BMAL1: variants seen among roughly 807,000 people sequenced by gnomAD.
BMAL1 encodes basic helix-loop-helix ARNT like 1, also known as basic helix-loop-helix ARNT-like protein 1.
chr11:13,348,106 T>G, the BMAL1 span, among the ~76,000 whole-genome samples: 3,046 of 152,228 alleles, frequency 0.02, 110 homozygotes, highest in African/African-American at 0.07. Flanking sequence ...GGAGAGAGGA[T>G]ACAGCTCTGA....
chr11:13,384,597 T>A, the BMAL1 span, among the ~76,000 whole-genome samples: 1 of 152,186 alleles, frequency 6.6e-6, no homozygotes, highest in South Asian at 2.1e-4. Flanking sequence ...TTCCAACTAC[T>A]TATCTGTGGG....
At chr11:13,370,385 C>G in the BMAL1 span, among the ~76,000 whole-genome samples, 40 of 152,290 alleles carry the variant, frequency 2.6e-4, no homozygotes, top group African/African-American at 9.6e-4. Context: ...ACTCCAGATT[C>G]ATAAATATAC....
chr11:13,298,668 C>T, the BMAL1 span, among the ~76,000 whole-genome samples: 1 of 152,144 alleles, frequency 6.6e-6, no homozygotes, highest in Non-Finnish European at 1.5e-5. Context: ...AGTTTGGATG[C>T]ACAAAGGTAA....
At chr11:13,311,295 T>C in the BMAL1 span, among the ~76,000 whole-genome samples, 7 of 152,088 alleles carry the variant, frequency 4.6e-5, no homozygotes, top group East Asian at 1.9e-4. Context: ...AGATGAGCAG[T>C]GGGCTGAGCT....
the BMAL1 span, among the ~76,000 whole-genome samples, chr11:13,360,775 C>T: frequency 6.6e-6 from 1 of 152,302 alleles, no homozygotes; most frequent in South Asian, 2.1e-4. Flanking sequence ...TTTCTCTTCA[C>T]CTGATTTAAC....
chr11:13,359,103 C>T, the BMAL1 span, among the ~76,000 whole-genome samples: 1 of 152,286 alleles, frequency 6.6e-6, no homozygotes, highest in East Asian at 1.9e-4. Flanking sequence ...GGAATTTTCC[C>T]GAACCAGATC....
chr11:13,384,309 T>A, the BMAL1 span, among the ~76,000 whole-genome samples: 10 of 152,232 alleles, frequency 6.6e-5, no homozygotes, highest in Non-Finnish European at 1.5e-4. Context: ...AATAGTGATA[T>A]TTTGATGCTC....
the BMAL1 span, among the ~76,000 whole-genome samples, chr11:13,287,687 G>A: frequency 3.9e-5 from 6 of 152,174 alleles, no homozygotes; most frequent in African/African-American, 1.4e-4. Context: ...TTATTCTTCA[G>A]GTTGGTCAGG....
At chr11:13,287,621 C>T in the BMAL1 span, among the ~76,000 whole-genome samples, 2 of 152,208 alleles carry the variant, frequency 1.3e-5, no homozygotes, top group Non-Finnish European at 2.9e-5. Flanking sequence ...TGAGGTTGGT[C>T]TTGCAAGGTA....
At chr11:13,304,272 C>T in the BMAL1 span, among the ~76,000 whole-genome samples, 2 of 151,962 alleles carry the variant, frequency 1.3e-5, no homozygotes, top group Non-Finnish European at 2.9e-5. Flanking sequence ...GGCCCTGAGC[C>T]GGGGTGGTAG....
At chr11:13,354,181 C>G in the BMAL1 span, 1 of 1,096,410 alleles carries the variant, frequency 9.1e-7, no homozygotes, top group Non-Finnish European at 1.3e-6. Context: ...TGTAAACCAG[C>G]CCCGGGTCTC....
chr11:13,291,819 A>ACAGAATACTCTGTATGATG, the BMAL1 span, among the ~76,000 whole-genome samples: 3 of 152,224 alleles, frequency 2.0e-5, no homozygotes, highest in East Asian at 5.8e-4. Context: ...TCTGTATGAT[A>ACAGAATACTCTGTATGATG]CAGAATACTC....
the BMAL1 span, among the ~76,000 whole-genome samples, chr11:13,292,844 A>G: frequency 6.6e-6 from 1 of 152,192 alleles, no homozygotes; most frequent in Non-Finnish European, 1.5e-5. Context: ...CCAAGGGGGC[A>G]CACATCCAGT....
chr11:13,282,973 G>C, the BMAL1 span, among the ~76,000 whole-genome samples: 104 of 152,306 alleles, frequency 6.8e-4, 1 homozygote, highest in African/African-American at 2.4e-3. Context: ...AGTGGACATG[G>C]CCGTAAGTAC....
At chr11:13,357,497 T>A in the BMAL1 span, among the ~76,000 whole-genome samples, 1 of 152,196 alleles carries the variant, frequency 6.6e-6, no homozygotes, top group Non-Finnish European at 1.5e-5. This position sits in a 1 kb window ranked among gnomAD's most constrained non-coding sequence, Gnocchi z 4.8. Flanking sequence ...TGCAACTGAA[T>A]GCACCACATG....
At chr11:13,356,724 CTT>C in the BMAL1 span, 10 of 1,614,048 alleles carry the variant, frequency 6.2e-6, no homozygotes, top group Non-Finnish European at 6.8e-6. Flanking sequence ...GTCACATTCT[CTT>C]TTGTTTTTTC....
the BMAL1 span, among the ~76,000 whole-genome samples, chr11:13,373,569 A>G: frequency 6.6e-6 from 1 of 152,160 alleles, no homozygotes; most frequent in Non-Finnish European, 1.5e-5. Flanking sequence ...TGCAGTGGCG[A>G]GATCTTGGCT....
chr11:13,304,926 C>T, the BMAL1 span, among the ~76,000 whole-genome samples: 1 of 152,188 alleles, frequency 6.6e-6, no homozygotes, highest in Non-Finnish European at 1.5e-5. Context: ...GACAGGCTGC[C>T]CTACCTGAGG....
At chr11:13,364,281 C>T in the BMAL1 span, among the ~76,000 whole-genome samples, 1 of 152,222 alleles carries the variant, frequency 6.6e-6, no homozygotes, top group Non-Finnish European at 1.5e-5. Context: ...GGATCCTCCC[C>T]AGCTTCCTTC....
Sources: gnomAD v4.1 joint callset for allele counts (sites outside exome capture counted in the v4.1 genomes callset) on GRCh38, gnomAD v4.1.1 for gene constraint, Gnocchi (gnomAD v3.1) non-coding constraint, MANE v1.5 for transcripts, NCBI Gene and HGNC (gene_info 2026-07-23, HGNC 2026-07-21) for gene names.